Variants in PCDH9 observed in about 807,000 individuals in gnomAD.
PCDH9 encodes protocadherin 9, also known as protocadherin-9.
PCDH9 carries 24 observed loss-of-function variants against 70.6 expected under a neutral mutation model. The observed-to-expected ratio is 0.34, with a 90% confidence interval of 0.25 to 0.48. PCDH9 has a LOEUF of 0.48. Ranked by LOEUF, PCDH9 falls within the 20% of genes least tolerant of loss-of-function variation. PCDH9 has a pLI of 0.99. For missense variants in PCDH9, 1,281 were observed against 1,503.6 expected (o/e 0.85, Z 2.45); for synonymous variants, 562 against 558.5 (o/e 1.01, Z -0.09).
chr13:66,888,329 T>C (rs1264474434), intron 3 of PCDH9, among the ~76,000 whole-genome samples: 3 of 151,660 alleles, frequency 2.0e-5, no homozygotes, highest in African/African-American at 2.4e-5. Flanking sequence ...GCTTCATCTC[T>C]GCAAAAAATT....
In PCDH9 at chr13:67,100,843, G is replaced by A. The variant is rs530424784; in HGVS notation, c.3036+124562C>T. Among the ~76,000 whole-genome samples, 6 of 152,238 alleles carry A rather than the reference G, an allele frequency of 3.9e-5. No homozygotes were observed. The East Asian group carries it at 7.7e-4, about 20-fold the overall frequency. ...AACATCTGTATTTCAGGCTGCTGAC[G>A]AAATATCTATGGAAAGGGGCCTCTA... On this transcript the variant is annotated intron_variant, in intron 2 of 4. Transcript: ENST00000377865.
At chr13:66,359,534 T>A (rs186469289) in intron 4 of PCDH9, among the ~76,000 whole-genome samples, 1 of 152,112 alleles carries the variant, frequency 6.6e-6, no homozygotes, top group Admixed American at 6.6e-5. Flanking sequence ...AGGAGCCCTT[T>A]CAGAACAACA....
At chr13:66,367,714 G>A (rs1236103388) in intron 4 of PCDH9, among the ~76,000 whole-genome samples, 1 of 152,152 alleles carries the variant, frequency 6.6e-6, no homozygotes, top group African/African-American at 2.4e-5. Context: ...AGATAACCAG[G>A]AAAGTAAAAG....
At chr13:66,494,613 C>T (rs1959084439) in intron 4 of PCDH9, among the ~76,000 whole-genome samples, 1 of 152,060 alleles carries the variant, frequency 6.6e-6, no homozygotes, top group Non-Finnish European at 1.5e-5. Context: ...CTACTGCCAA[C>T]AATTAGACCA....
Position 66,763,717 on chromosome 13 carries a change from A to G in PCDH9, c.3139-132306T>C, listed in dbSNP as rs2079664549. On this transcript the variant is annotated intron_variant, in intron 3 of 4. Coordinates refer to ENST00000377865, the MANE Select transcript of PCDH9 (RefSeq NM_203487.3). ...TCAGCACACGCAGTTTATATTTCCA[A>G]TGATTCTTTGACAAGGGTTGCCTAT... Among the ~76,000 whole-genome samples, 3 of 152,082 alleles carry G rather than the reference A, an allele frequency of 2.0e-5. 1 individual carries two copies. The highest frequency in any genetic ancestry group is 2.1e-4 in the South Asian group (1 of 4,830).
intron 2 of PCDH9, among the ~76,000 whole-genome samples, chr13:67,126,821 A>G (rs1172101744): frequency 1.3e-5 from 2 of 152,178 alleles, no homozygotes; most frequent in Non-Finnish European, 2.9e-5. Flanking sequence ...CTGCACTCCA[A>G]TCTGGCAACA....
chr13:66,447,851 A>G (rs192278671), intron 4 of PCDH9, among the ~76,000 whole-genome samples: 1 of 152,316 alleles, frequency 6.6e-6, no homozygotes, highest in African/African-American at 2.4e-5. Context: ...TATCTTTGCC[A>G]TATTGCAAAT....
At position 67,167,303 on chromosome 13, in the gene PCDH9, G is replaced by T. The variant is rs2088145043; in HGVS notation, c.3036+58102C>A. ...CAGCAAATTACTTAAGTTCTTTGGG[G>T]TTCTGTTTCCCCTAATTTAAAATGA... is the stretch of plus-strand genomic sequence containing the variant. On this transcript the variant is annotated intron_variant, in intron 2 of 4. Transcript: ENST00000377865. 2.6e-5 allele frequency among the ~76,000 whole-genome samples: 4 copies of T among 152,076 alleles called. No homozygotes were observed. In the South Asian group the frequency reaches 8.3e-4, roughly 32 times the overall value.
chr13:66,469,464 G>A (rs1196228585), intron 4 of PCDH9, among the ~76,000 whole-genome samples: 1 of 146,756 alleles, frequency 6.8e-6, no homozygotes, highest in Non-Finnish European at 1.5e-5. Context: ...AAGGAAGGGA[G>A]GGAGGGGGGA....
chr13:66,997,417 AC>A (rs1183914219), intron 2 of PCDH9, among the ~76,000 whole-genome samples: 2 of 152,204 alleles, frequency 1.3e-5, no homozygotes, highest in Non-Finnish European at 2.9e-5. Context: ...AGAACTCATT[AC>A]CAGGAGGACA....
At chr13:67,068,453 A>G (rs1049068804) in intron 2 of PCDH9, among the ~76,000 whole-genome samples, 1 of 152,124 alleles carries the variant, frequency 6.6e-6, no homozygotes, top group African/African-American at 2.4e-5. Context: ...AGGAAAGAGA[A>G]CCAATGTTTA....
chr13:66,523,371 A>G (rs1960080631), intron 4 of PCDH9, among the ~76,000 whole-genome samples: 1 of 152,076 alleles, frequency 6.6e-6, no homozygotes, highest in South Asian at 2.1e-4. Flanking sequence ...AGAGCTTGAG[A>G]AATTTGCTCA....
At chr13:66,510,152 T>A in intron 4 of PCDH9, among the ~76,000 whole-genome samples, 1 of 152,234 alleles carries the variant, frequency 6.6e-6, no homozygotes, top group East Asian at 1.9e-4. Context: ...ACTGAGTTAT[T>A]AGTTATGAAT....
intron 3 of PCDH9, among the ~76,000 whole-genome samples, chr13:66,711,400 A>T (rs550034213): frequency 6.6e-6 from 1 of 152,190 alleles, no homozygotes; most frequent in East Asian, 1.9e-4. Context: ...TGCAAAAAAA[A>T]AAAAAAAATT....
At chr13:66,448,647 T>C (rs899006633) in intron 4 of PCDH9, among the ~76,000 whole-genome samples, 3 of 152,168 alleles carry the variant, frequency 2.0e-5, no homozygotes, top group African/African-American at 4.8e-5. Flanking sequence ...AGAGACTTAA[T>C]TGTGGGCTAA....
intron 2 of PCDH9, among the ~76,000 whole-genome samples, chr13:67,070,577 C>T (rs2085741742): frequency 6.6e-6 from 1 of 152,116 alleles, no homozygotes; most frequent in Non-Finnish European, 1.5e-5. Context: ...ACAAGCAAAA[C>T]AACTATTTTA....
At chr13:67,115,727 T>G (rs1416981429) in intron 2 of PCDH9, among the ~76,000 whole-genome samples, 1 of 150,078 alleles carries the variant, frequency 6.7e-6, no homozygotes, top group South Asian at 2.1e-4. Context: ...AAATTTGTTT[T>G]GGCATTCCTT....
chr13:66,619,536 A>G (rs1032640848), intron 4 of PCDH9, among the ~76,000 whole-genome samples: 12 of 152,182 alleles, frequency 7.9e-5, no homozygotes, highest in African/African-American at 2.9e-4. Context: ...CTAAATAATT[A>G]AGATACATGT....
At chr13:66,635,963 TAC>T (rs1271943865) in intron 3 of PCDH9, among the ~76,000 whole-genome samples, 7 of 152,308 alleles carry the variant, frequency 4.6e-5, no homozygotes, top group African/African-American at 1.4e-4. Flanking sequence ...TGACAATACT[TAC>T]AGTTATGTCA....
Sources: gnomAD v4.1 joint callset for allele counts (sites outside exome capture counted in the v4.1 genomes callset) on GRCh38, gnomAD v4.1.1 for gene constraint, MANE v1.5 for transcripts, NCBI Gene and HGNC (gene_info 2026-07-23, HGNC 2026-07-21) for gene names.